Variants in CCDC83 observed in about 807,000 individuals in gnomAD.
CCDC83 encodes the protein coiled-coil domain-containing protein 83.
A neutral mutation model predicts 50.1 loss-of-function variants in CCDC83; 54 were observed. That is an observed-to-expected ratio of 1.08 (90% CI 0.87 to 1.35). The LOEUF (loss-of-function observed/expected upper bound fraction) is 1.35. Among genes scored for constraint, CCDC83 ranks in the 40% most tolerant of loss-of-function variants. CCDC83 has a pLI of 0.00. For synonymous variants in CCDC83, 161 were observed against 153.3 expected (o/e 1.05, Z -0.37); for missense variants, 518 against 473.9 (o/e 1.09, Z -0.86).
intron 5 of CCDC83, 26 bp downstream of exon 5, chr11:85,886,393 G>A: frequency 6.4e-7 from 1 of 1,553,232 alleles, no homozygotes; most frequent in Non-Finnish European, 8.7e-7. Flanking sequence ...ACTAGTTCAA[G>A]TTCAGTAAAA....
intron 7 of CCDC83, among the ~76,000 whole-genome samples, chr11:85,903,148 G>C (rs889510221): frequency 6.6e-6 from 1 of 151,938 alleles, no homozygotes; most frequent in East Asian, 1.9e-4. Context: ...CAGGAGAATC[G>C]CTTGAACCCA....
In CCDC83 at chr11:85,895,289, AAAGAAC is replaced by A; in HGVS notation, c.512-2_515del. The A allele has an allele frequency of 1.7e-6, 1 of 573,470 alleles. No homozygotes were observed. The highest frequency in any genetic ancestry group is 2.6e-6 in the Non-Finnish European group (1 of 379,830). The allele number at this position is 573,470 out of a possible 1,614,324, so 35.5% of individuals were successfully genotyped here. ...CTTTTTTTTTTTTTTTTTTTTTTTT[AAAGAAC>A]ACTATAAAATCACTCTGGAAGATAC... On this transcript the variant is annotated splice_acceptor_variant and splice_polypyrimidine_tract_variant and coding_sequence_variant and intron_variant, in exon 6 of 11. Coordinates refer to ENST00000342404, the MANE Select transcript of CCDC83 (RefSeq NM_001286159.2). LOFTEE classifies it high-confidence loss of function.
intron 7 of CCDC83, among the ~76,000 whole-genome samples, chr11:85,903,125 T>C (rs749573068): frequency 2.0e-5 from 3 of 151,584 alleles, no homozygotes; most frequent in South Asian, 2.1e-4. Flanking sequence ...CCCAGCTACA[T>C]AGGAGGCTGA....
At chr11:85,877,865 T>C (rs1439309745) in intron 3 of CCDC83, among the ~76,000 whole-genome samples, 1 of 152,190 alleles carries the variant, frequency 6.6e-6, no homozygotes, top group Admixed American at 6.5e-5. Flanking sequence ...GAAAAGTCCA[T>C]ATTAAGAAAA....
chr11:85,875,088 C>T (rs1490228046), intron 3 of CCDC83, among the ~76,000 whole-genome samples: 2 of 152,178 alleles, frequency 1.3e-5, no homozygotes, highest in Non-Finnish European at 2.9e-5. Flanking sequence ...TCCCCCTACC[C>T]AAAGGCAGGA....
intron 7 of CCDC83, among the ~76,000 whole-genome samples, chr11:85,901,872 T>TAA (rs137950229): frequency 1.3e-5 from 2 of 148,270 alleles, no homozygotes; most frequent in African/African-American, 5.0e-5. Flanking sequence ...CTACAAAAAA[T>TAA]AAAAAAAAAT....
intron 6 of CCDC83, among the ~76,000 whole-genome samples, chr11:85,898,042 C>A (rs1440154997): frequency 6.6e-6 from 1 of 151,642 alleles, no homozygotes; most frequent in Non-Finnish European, 1.5e-5. Context: ...CCTGTAATCC[C>A]AGCTACTCAG....
In CCDC83 at chr11:85,879,367, C is replaced by T. The variant is rs1045955199; in HGVS notation, c.181-3146C>T. On this transcript the variant is annotated intron_variant, in intron 3 of 10. Coordinates refer to ENST00000342404, the MANE Select transcript of CCDC83 (RefSeq NM_001286159.2). The stretch of plus-strand genomic sequence containing the variant: ...TTTTCTACCTGCAGATGTCCAGTTG[C>T]GTCTGCACTATTAGTTGATAAAGCT... 2.0e-5 allele frequency among the ~76,000 whole-genome samples: 3 copies of T among 152,132 alleles called. No homozygotes were observed. In the South Asian group the frequency reaches 6.2e-4, roughly 31 times the overall value.
intron 7 of CCDC83, among the ~76,000 whole-genome samples, chr11:85,899,905 G>A (rs1246314084): frequency 2.0e-5 from 3 of 151,996 alleles, no homozygotes; most frequent in Non-Finnish European, 2.9e-5. Flanking sequence ...CTGAGGGCTC[G>A]CTGAAATAAA....
chr11:85,893,172 G>T (rs887677046), intron 5 of CCDC83, among the ~76,000 whole-genome samples: 4 of 152,174 alleles, frequency 2.6e-5, no homozygotes, highest in African/African-American at 9.7e-5. Flanking sequence ...CCAAAGACTT[G>T]CAGTTTGCCA....
intron 7 of CCDC83, among the ~76,000 whole-genome samples, chr11:85,903,156 C>A (rs138620368): frequency 0.018 from 2,775 of 152,086 alleles, 88 homozygotes; most frequent in African/African-American, 0.063. Context: ...TCGCTTGAAC[C>A]CAGGAGGCAG....
intron 2 of CCDC83, among the ~76,000 whole-genome samples, chr11:85,870,469 AC>A (rs753223272): frequency 6.6e-6 from 1 of 152,204 alleles, no homozygotes; most frequent in Non-Finnish European, 1.5e-5. Context: ...CATTTATAAT[AC>A]TTTTTTTTTA....
chr11:85,895,493 A>T (rs1476898854), intron 6 of CCDC83, 109 bp downstream of exon 6: 1 of 626,332 alleles, frequency 1.6e-6, no homozygotes, highest in South Asian at 2.1e-5. Context: ...CAGATTTGGG[A>T]TGCTCAACCT....
In CCDC83 at chr11:85,879,350, C is replaced by T. The variant is rs916189781; in HGVS notation, c.181-3163C>T. Reference sequence around the variant, plus strand: ...CAAGATTCTTCTTTTTTTTTTCTACCTGCAGATGTCCAGTTGCGTCTGCAC... The same window carrying T: ...CAAGATTCTTCTTTTTTTTTTCTACTTGCAGATGTCCAGTTGCGTCTGCAC... On this transcript the variant is annotated intron_variant, in intron 3 of 10. Coordinates refer to ENST00000342404, the MANE Select transcript of CCDC83 (RefSeq NM_001286159.2). 4.6e-5 allele frequency among the ~76,000 whole-genome samples: 7 copies of T among 151,518 alleles called. No homozygotes were observed. The East Asian group carries it at 9.7e-4, about 21-fold the overall frequency.
At chr11:85,907,163 T>C (rs1267716507) in intron 7 of CCDC83, among the ~76,000 whole-genome samples, 1 of 152,218 alleles carries the variant, frequency 6.6e-6, no homozygotes, top group Non-Finnish European at 1.5e-5. Context: ...TTTCTCCATT[T>C]ATCTCTCAGC....
intron 10 of CCDC83, chr11:85,916,439 G>A: frequency 1.8e-6 from 1 of 551,450 alleles, no homozygotes. Context: ...TTCCTCTATA[G>A]GCCTCCATTA....
chr11:85,908,947 GT>G (rs1348556901), intron 7 of CCDC83, among the ~76,000 whole-genome samples: 1 of 151,790 alleles, frequency 6.6e-6, no homozygotes, highest in Non-Finnish European at 1.5e-5. Context: ...TTGTTTGTTT[GT>G]TTTGAGACAG....
At chr11:85,861,491 A>T (rs2153681799) in intron 1 of CCDC83, among the ~76,000 whole-genome samples, 1 of 152,340 alleles carries the variant, frequency 6.6e-6, no homozygotes, top group East Asian at 1.9e-4. Context: ...TCATGCCTTG[A>T]TGGAATCTTA....
intron 5 of CCDC83, among the ~76,000 whole-genome samples, chr11:85,889,995 G>A (rs988983424): frequency 2.0e-5 from 3 of 152,170 alleles, no homozygotes; most frequent in African/African-American, 4.8e-5. Flanking sequence ...GGAAAAGGTT[G>A]TTAGAAATTA....
Sources: gnomAD v4.1 joint callset for allele counts (sites outside exome capture counted in the v4.1 genomes callset) on GRCh38, gnomAD v4.1.1 for gene constraint, MANE v1.5 for transcripts, NCBI Gene and HGNC (gene_info 2026-07-23, HGNC 2026-07-21) for gene names.